Variants in ASTN1 observed in about 807,000 individuals in gnomAD.
ASTN1 encodes the protein astrotactin 1.
Under a neutral mutation model 140.7 loss-of-function variants are expected in ASTN1, and 41 were observed. The observed-to-expected ratio is 0.29, with a 90% CI of 0.23 to 0.38. The LOEUF is 0.38. Ranked by LOEUF, ASTN1 falls within the 10% of genes least tolerant of loss-of-function variation. The probability of loss-of-function intolerance (pLI) is 1.00; values close to 1 mark genes in which losing one functional copy is unlikely to be tolerated. For missense variants in ASTN1, 1,479 were observed against 1,678.8 expected (o/e 0.88, Z 2.08); for synonymous variants, 640 against 652.2 (o/e 0.98, Z 0.29).
At chr1:176,866,949 A>G (rs769056283) in intron 22 of ASTN1, among the ~76,000 whole-genome samples, 9 of 152,228 alleles carry the variant, frequency 5.9e-5, no homozygotes, top group Non-Finnish European at 7.3e-5. Context: ...TCTGAGATCC[A>G]TGACACTAAA....
chr1:177,045,591 C>T (rs2102002661), intron 2 of ASTN1, among the ~76,000 whole-genome samples: 1 of 152,260 alleles, frequency 6.6e-6, no homozygotes, highest in East Asian at 1.9e-4. Flanking sequence ...TGCTCAAATG[C>T]AAGGTGCATG....
At chr1:177,087,514 A>C (rs1679533897) in intron 1 of ASTN1, among the ~76,000 whole-genome samples, 1 of 152,142 alleles carries the variant, frequency 6.6e-6, no homozygotes, top group Non-Finnish European at 1.5e-5. Flanking sequence ...TTCAGAGGTG[A>C]CCATGGCCTC....
intron 21 of ASTN1, among the ~76,000 whole-genome samples, chr1:176,876,305 T>C (rs1352345345): frequency 6.6e-6 from 1 of 152,174 alleles, no homozygotes; most frequent in Non-Finnish European, 1.5e-5. Flanking sequence ...GTGTCTCCTA[T>C]GGGCTCCCTG....
In ASTN1 at chr1:177,006,625, C is replaced by T. The variant is rs750607788; in HGVS notation, c.1523+8166G>A. On this transcript the variant is annotated intron_variant, in intron 8 of 22. Coordinates refer to ENST00000361833, the MANE Select transcript of ASTN1 (RefSeq NM_004319.3). ...CTATAAAATTGAAACAATTTATCTT[C>T]CATTCTTGAGCAGATGAGAGGGTAA... Among the ~76,000 whole-genome samples the T allele has an allele frequency of 7.9e-5, 12 of 152,278 alleles. No individual in the cohort carries two copies. The Middle Eastern group carries it at 0.01, about 129-fold the overall frequency.
chr1:176,888,841 T>C (rs982302969), intron 17 of ASTN1, among the ~76,000 whole-genome samples: 1 of 152,224 alleles, frequency 6.6e-6, no homozygotes, highest in Non-Finnish European at 1.5e-5. Flanking sequence ...ATCACTGCCA[T>C]GTGACCTTGG....
At chr1:177,070,913 TATC>T (rs1412188161) in intron 1 of ASTN1, among the ~76,000 whole-genome samples, 11 of 152,204 alleles carry the variant, frequency 7.2e-5, no homozygotes, top group African/African-American at 2.4e-4. Flanking sequence ...TTAACACTAA[TATC>T]ATCATCAATA....
At chr1:176,857,714 G>A, downstream of ASTN1, 1 of 452,236 alleles carries the variant, frequency 2.2e-6, no homozygotes, top group Non-Finnish European at 4.0e-6. Context: ...ATGTGATACA[G>A]AACAGAACAG....
At chr1:177,159,768 G>C (rs200654386) in intron 1 of ASTN1, among the ~76,000 whole-genome samples, 1 of 8 alleles carries the variant, frequency 0.12, no homozygotes, top group Non-Finnish European at 0.25. Flanking sequence ...ACCCTCCTCA[G>C]GAAGAGCACT....
At chr1:176,992,953 A>G (rs961561530) in intron 8 of ASTN1, among the ~76,000 whole-genome samples, 2 of 152,220 alleles carry the variant, frequency 1.3e-5, no homozygotes, top group Non-Finnish European at 2.9e-5. Flanking sequence ...AGGTTATAAG[A>G]GCAGAGCTCT....
At chr1:177,117,123 C>T (rs1056001385) in intron 1 of ASTN1, among the ~76,000 whole-genome samples, 1 of 152,130 alleles carries the variant, frequency 6.6e-6, no homozygotes, top group African/African-American at 2.4e-5. Context: ...CGCCCCTCCC[C>T]ACCCCCACCG....
chr1:176,884,951 A>G (rs1211146043), intron 18 of ASTN1, among the ~76,000 whole-genome samples: 1 of 152,228 alleles, frequency 6.6e-6, no homozygotes, highest in Non-Finnish European at 1.5e-5. Context: ...TTTGGCTTCC[A>G]TAACCTTATC....
At chr1:177,012,497 T>C (rs1010769485) in intron 8 of ASTN1, among the ~76,000 whole-genome samples, 2 of 152,316 alleles carry the variant, frequency 1.3e-5, no homozygotes, top group East Asian at 3.9e-4. Context: ...GTGATGATCA[T>C]AGAATAATGG....
intron 16 of ASTN1, among the ~76,000 whole-genome samples, chr1:176,911,632 CT>C (rs1670245329): frequency 6.6e-6 from 1 of 152,174 alleles, no homozygotes; most frequent in African/African-American, 2.4e-5. Flanking sequence ...TCTTGTCCCA[CT>C]GGCAGGTCTC....
chr1:177,017,319 G>A (rs1045845840), intron 7 of ASTN1, among the ~76,000 whole-genome samples: 3 of 152,150 alleles, frequency 2.0e-5, no homozygotes, highest in African/African-American at 7.2e-5. Context: ...GCTAGGTTTT[G>A]GGGATCTCCA....
intron 1 of ASTN1, among the ~76,000 whole-genome samples, chr1:177,159,352 G>T (rs765877236): frequency 4.6e-5 from 7 of 152,118 alleles, no homozygotes; most frequent in Admixed American, 1.3e-4. Context: ...CTTGGATAGG[G>T]CTGCCAATCT....
At chr1:176,948,424 G>A (rs184202017) in intron 12 of ASTN1, among the ~76,000 whole-genome samples, 2 of 152,278 alleles carry the variant, frequency 1.3e-5, no homozygotes, top group Admixed American at 6.5e-5. Flanking sequence ...ATTCCAGTCA[G>A]CAGTATAAAT....
intron 22 of ASTN1, among the ~76,000 whole-genome samples, chr1:176,868,526 C>T (rs1668211079): frequency 6.6e-6 from 1 of 152,162 alleles, no homozygotes; most frequent in Non-Finnish European, 1.5e-5. Flanking sequence ...AATTTCCTTT[C>T]ACAAGACCAT....
At chr1:177,145,940 T>G (rs1682701856) in intron 1 of ASTN1, among the ~76,000 whole-genome samples, 1 of 152,172 alleles carries the variant, frequency 6.6e-6, no homozygotes, top group Non-Finnish European at 1.5e-5. Context: ...CTCCTAAAAA[T>G]TATTGAGAAT....
chr1:177,143,278 G>T (rs2102228161), intron 1 of ASTN1, among the ~76,000 whole-genome samples: 1 of 152,332 alleles, frequency 6.6e-6, no homozygotes, highest in East Asian at 1.9e-4. Flanking sequence ...TTTCCAAGTT[G>T]TTGTCAATGC....
Sources: gnomAD v4.1 joint callset for allele counts (sites outside exome capture counted in the v4.1 genomes callset) on GRCh38, gnomAD v4.1.1 for gene constraint, MANE v1.5 for transcripts, NCBI Gene and HGNC (gene_info 2026-07-23, HGNC 2026-07-21) for gene names.